Variants in RARA observed in about 807,000 individuals in gnomAD.
The protein encoded by RARA is retinoic acid receptor alpha, also known as PML-DDX5-RARA fusion.
Under a neutral mutation model 42.8 loss-of-function variants are expected in RARA, and 5 were observed. That is an observed-to-expected ratio of 0.12 (90% CI 0.06 to 0.25). The LOEUF (loss-of-function observed/expected upper bound fraction) is 0.25, where lower values mean the gene tolerates loss of function less well. RARA is among the 10% of genes least tolerant of loss of function. The pLI, the probability that RARA is intolerant of heterozygous loss-of-function variation, is 1.00. For synonymous variants in RARA, 256 were observed against 259.5 expected, an observed-to-expected ratio of 0.99 and a Z score of 0.13; for missense variants, 402 against 628.7, an observed-to-expected ratio of 0.64 and a Z score of 3.86.
rs561381266 is a variant in RARA, at chr17:40,342,118, T to A, written c.179-6198T>A. On this transcript the variant is annotated intron_variant, in intron 2 of 8. Transcript: ENST00000254066. ...GGGCGGGGCGGTGGAAAGGGGGTGG[T>A]GCCCGGAGGGGAGGGGGCGCGCAGA... is the stretch of plus-strand genomic sequence containing the variant. 23 of 621,538 alleles carry A rather than the reference T, an allele frequency of 3.7e-5. 1 individual carries two copies. In the South Asian group the frequency reaches 1.6e-3, roughly 42 times the overall value. 38.5% of individuals were successfully genotyped at this position (621,538 alleles called of 1,614,324 possible).
rs113014668 is a variant in RARA at position 40,352,022 on chromosome 17, G to A, written c.582G>A (p.Ala194=). 12 of 1,587,940 alleles carry A rather than the reference G, an allele frequency of 7.6e-6. No individual in the cohort carries two copies. In the Admixed American group the frequency reaches 1.2e-4, roughly 16 times the overall value. Residue 194 remains alanine (A), a synonymous_variant, in exon 5 of 9, where the codon GCG becomes GCA. Coordinates refer to ENST00000254066, the MANE Select transcript of RARA (RefSeq NM_000964.4). This position sits in a 1 kb window ranked among gnomAD's most constrained non-coding sequence, Gnocchi z 4.9. The stretch of plus-strand genomic sequence containing the variant: ...AGCTCATTGAGAAGGTGCGCAAAGC[G>A]CACCAGGAAACCTTCCCTGCCCTCT... ...VGELIEKVRK[A]HQETFPALCQ... is the part of the protein sequence containing the mutation.
At chr17:40,329,756 A>G (rs1019835357) in intron 1 of RARA, among the ~76,000 whole-genome samples, 2 of 152,134 alleles carry the variant, frequency 1.3e-5, no homozygotes, top group African/African-American at 4.8e-5. Flanking sequence ...CCCCAGCCTC[A>G]TTGTGCTTTT....
chr17:40,347,965 A>C, intron 2 of RARA: 1 of 199,726 alleles, frequency 5.0e-6, no homozygotes, highest in Non-Finnish European at 1.0e-5. Flanking sequence ...CGGGGGGAGA[A>C]CGGGGCCAGG....
chr17:40,346,414 G>A (rs2034267123), intron 2 of RARA, among the ~76,000 whole-genome samples: 1 of 152,060 alleles, frequency 6.6e-6, no homozygotes, highest in East Asian at 1.9e-4. Context: ...TAGGAGGGGT[G>A]GGGAGGTCAG....
At chr17:40,315,644 TG>T (rs2033198759) in intron 1 of RARA, among the ~76,000 whole-genome samples, 1 of 152,190 alleles carries the variant, frequency 6.6e-6, no homozygotes, top group Non-Finnish European at 1.5e-5. Context: ...CACTTAATGC[TG>T]TTCTTCAGGA....
chr17:40,319,336 C>G (rs942201522), intron 1 of RARA, among the ~76,000 whole-genome samples: 6 of 152,120 alleles, frequency 3.9e-5, no homozygotes, highest in Non-Finnish European at 8.8e-5. Flanking sequence ...GAAGAGCTCC[C>G]CAGCCTTGGA....
intron 2 of RARA, 139 bp from the exon 3 acceptor site, chr17:40,348,177 A>T: frequency 8.9e-7 from 1 of 1,127,840 alleles, no homozygotes; most frequent in Non-Finnish European, 1.2e-6. Flanking sequence ...GGGGAGTCCC[A>T]GTTTTCTTAA....
At position 40,320,777 on chromosome 17, in the gene RARA, G is replaced by A. The variant is rs944466434; in HGVS notation, c.-362-10080G>A. On this transcript the variant is annotated intron_variant, in intron 1 of 8. Coordinates refer to ENST00000254066, the MANE Select transcript of RARA (RefSeq NM_000964.4). This position sits in a 1 kb window ranked among gnomAD's most constrained non-coding sequence, Gnocchi z 4.1. ...CTGTGGGGTCTATTAATATTTGGGA[G>A]CACTGCCTGGGATCTGGGGTGATAG... is the stretch of plus-strand genomic sequence containing the variant. Among the ~76,000 whole-genome samples, 3 of 152,192 alleles carry A rather than the reference G, an allele frequency of 2.0e-5. No individual in the cohort carries two copies. Among genetic ancestry groups the A allele is most frequent in the Non-Finnish European group, 2.9e-5 (2 of 68,036 alleles).
intron 1 of RARA, among the ~76,000 whole-genome samples, chr17:40,316,231 C>CG (rs1440913133): frequency 6.6e-6 from 1 of 152,174 alleles, no homozygotes; most frequent in Non-Finnish European, 1.5e-5. Flanking sequence ...CTGACCCCTG[C>CG]GGGGGGTGGG....
intron 2 of RARA, among the ~76,000 whole-genome samples, chr17:40,338,026 G>A (rs1025391591): frequency 2.0e-5 from 3 of 152,222 alleles, no homozygotes; most frequent in Admixed American, 2.0e-4. Context: ...TAATGAAAAT[G>A]GGGTCCCTCA....
chr17:40,338,209 G>A (rs1269720389), intron 2 of RARA, among the ~76,000 whole-genome samples: 2 of 152,230 alleles, frequency 1.3e-5, no homozygotes, highest in African/African-American at 2.4e-5. Flanking sequence ...CTGTACCAGT[G>A]CAGGCCTGCC....
intron 1 of RARA, among the ~76,000 whole-genome samples, chr17:40,324,637 G>C (rs1177252664): frequency 6.6e-6 from 1 of 152,190 alleles, no homozygotes; most frequent in Non-Finnish European, 1.5e-5. Flanking sequence ...GCAGCTCTGT[G>C]TAGCTGGGGA....
chr17:40,338,327 G>A (rs151015744), intron 2 of RARA, among the ~76,000 whole-genome samples: 1 of 152,296 alleles, frequency 6.6e-6, no homozygotes, highest in East Asian at 1.9e-4. Context: ...TTGGGGCACA[G>A]CGAGGGATTG....
At chr17:40,342,562 G>A (rs1349446299) in intron 2 of RARA, 24 of 1,360,964 alleles carry the variant, frequency 1.8e-5, no homozygotes, top group Non-Finnish European at 2.3e-5. Flanking sequence ...CAGGGCAGGG[G>A]GCGCCCCCTG....
At chr17:40,321,111 G>A (rs1224551915) in intron 1 of RARA, among the ~76,000 whole-genome samples, 1 of 152,064 alleles carries the variant, frequency 6.6e-6, no homozygotes, top group Non-Finnish European at 1.5e-5. Context: ...TGCACGGTGG[G>A]GGGCAGGGCC....
chr17:40,346,835 G>C (rs1293993358), intron 2 of RARA, among the ~76,000 whole-genome samples: 1 of 152,224 alleles, frequency 6.6e-6, no homozygotes, highest in Admixed American at 6.5e-5. Flanking sequence ...GCTGCAGGCT[G>C]GTCTTGGGGC....
Position 40,331,368 on chromosome 17 carries a change from T to C in RARA, c.150T>C (p.Val50=). The stretch of plus-strand genomic sequence containing the variant: ...CCACTCTCCAGCACCAGCTTCCAGT[T>C]AGTGGATATAGCACACCATCCCCAG... The part of the protein sequence containing the change: ...ALTTLQHQLP[V]SGYSTPSPAT... Residue 50 remains valine, a synonymous_variant, in exon 2 of 9, where the codon GTT becomes GTC. Transcript: ENST00000254066. The C allele has an allele frequency of 1.2e-6, 2 of 1,613,752 alleles. No homozygotes were observed. Among genetic ancestry groups the C allele is most frequent in the Non-Finnish European group, 1.7e-6 (2 of 1,179,844 alleles).
At chr17:40,344,556 C>G (rs1598572105) in intron 2 of RARA, among the ~76,000 whole-genome samples, 2 of 152,196 alleles carry the variant, frequency 1.3e-5, no homozygotes. Flanking sequence ...TCTTCCTGGC[C>G]CAGAACTGGA....
chr17:40,315,169 T>TATATATAC (rs2033182818), intron 1 of RARA, among the ~76,000 whole-genome samples: 2 of 107,392 alleles, frequency 1.9e-5, no homozygotes, highest in Non-Finnish European at 3.6e-5. Context: ...TATATATATA[T>TATATATAC]ATACACACAC....
Sources: allele counts gnomAD v4.1 joint callset (sites outside exome capture counted in the v4.1 genomes callset), GRCh38; gene constraint gnomAD v4.1.1; non-coding constraint Gnocchi (gnomAD v3.1); transcripts MANE v1.5; gene names NCBI Gene and HGNC (gene_info 2026-07-23, HGNC 2026-07-21).